The following CNR1 variants were observed in gnomAD, a reference collection of about 807,000 sequenced individuals.
CNR1 encodes the protein cannabinoid receptor 1 (brain).
Under a neutral mutation model 23.0 loss-of-function variants are expected in CNR1, and 10 were observed. The observed-to-expected ratio is 0.43, with a 90% CI of 0.27 to 0.74. The LOEUF is 0.74. Among genes scored for constraint, CNR1 ranks in the 30% least tolerant of loss-of-function variants. The probability of loss-of-function intolerance (pLI) is 0.19; values close to 1 mark genes in which losing one functional copy is unlikely to be tolerated. For synonymous variants in CNR1, 271 were observed against 255.2 expected, an observed-to-expected ratio of 1.06 and a Z score of -0.59; for missense variants, 422 against 618.8, an observed-to-expected ratio of 0.68 and a Z score of 3.37.
chr6:88,164,679 C>T (rs1332740804), intron 1 of CNR1, among the ~76,000 whole-genome samples: 1 of 152,140 alleles, frequency 6.6e-6, no homozygotes, highest in Non-Finnish European at 1.5e-5. Flanking sequence ...CACTTTAAAT[C>T]ACATAAAGTC....
intron 1 of CNR1, among the ~76,000 whole-genome samples, chr6:88,149,190 A>C (rs1054758671): frequency 5.3e-5 from 8 of 152,158 alleles, no homozygotes; most frequent in African/African-American, 1.9e-4. Context: ...TGCAGAAATA[A>C]AAGACCAAAG....
chr6:88,144,711 C>T lies in CNR1; in HGVS notation c.564G>A (p.Val188=). Residue 188 remains valine, a synonymous_variant, in exon 2 of 2, where the codon GTG becomes GTA. Transcript: ENST00000369501. The surrounding 1 kb of genome is among the most constrained non-coding windows in gnomAD (Gnocchi z 7.8). ...TGACCCCACCCAGTTTGAACAGAAA[C>T]ACGTTGCGGCTATCTTTGCGGTGGA... ...HVFHRKDSRN[V]FLFKLGGVTA... The T allele has an allele frequency of 1.2e-6, 2 of 1,614,206 alleles. No homozygotes were observed. The highest frequency in any genetic ancestry group is 1.7e-6 in the Non-Finnish European group (2 of 1,180,040).
At chr6:88,160,544 C>A (rs1214572785) in intron 1 of CNR1, among the ~76,000 whole-genome samples, 1 of 150,762 alleles carries the variant, frequency 6.6e-6, no homozygotes, top group African/African-American at 2.4e-5. Flanking sequence ...AAGCAATTCT[C>A]CCACTTCAAC....
At chr6:88,152,339 G>A (rs1301398887) in intron 1 of CNR1, among the ~76,000 whole-genome samples, 3 of 151,950 alleles carry the variant, frequency 2.0e-5, no homozygotes, top group Non-Finnish European at 4.4e-5. Flanking sequence ...CTACTTGCAT[G>A]GACCTAAAGA....
chr6:88,160,318 A>G (rs1246802072), intron 1 of CNR1, among the ~76,000 whole-genome samples: 4 of 152,182 alleles, frequency 2.6e-5, no homozygotes, highest in Admixed American at 6.5e-5. Flanking sequence ...ATAAATAAAT[A>G]AAAACATCAT....
At chr6:88,163,184 T>C (rs571858758) in intron 1 of CNR1, among the ~76,000 whole-genome samples, 2 of 152,220 alleles carry the variant, frequency 1.3e-5, no homozygotes, top group Non-Finnish European at 2.9e-5. Context: ...CTCCAAAATA[T>C]TTCCTGGAAT....
chr6:88,161,872 G>A (rs1415083515), intron 1 of CNR1, among the ~76,000 whole-genome samples: 1 of 152,148 alleles, frequency 6.6e-6, no homozygotes, highest in African/African-American at 2.4e-5. Flanking sequence ...GTTGTAATGT[G>A]TTATATATAA....
At chr6:88,167,013 C>T (rs1389494130), upstream of CNR1, among the ~76,000 whole-genome samples, 1 of 151,254 alleles carries the variant, frequency 6.6e-6, no homozygotes, top group South Asian at 2.1e-4. Flanking sequence ...GGGGCGCCGC[C>T]CAGCTTCGCG....
chr6:88,145,911 T>C (rs188671174), intron 1 of CNR1, among the ~76,000 whole-genome samples: 11 of 152,220 alleles, frequency 7.2e-5, no homozygotes, highest in African/African-American at 2.2e-4. Flanking sequence ...AGGAGGGAGC[T>C]AGTGAGAACT....
intron 1 of CNR1, chr6:88,147,673 G>A (rs186188268): frequency 6.6e-6 from 1 of 152,310 alleles, no homozygotes; most frequent in East Asian, 1.9e-4. Context: ...CCAGGGTTAG[G>A]GCGCCTGCTT....
chr6:88,159,307 C>G (rs73481160), intron 1 of CNR1, among the ~76,000 whole-genome samples: 1 of 152,256 alleles, frequency 6.6e-6, no homozygotes, highest in African/African-American at 2.4e-5. Flanking sequence ...AAAGAACGAA[C>G]TAAAATGAAA....
intron 1 of CNR1, among the ~76,000 whole-genome samples, chr6:88,158,730 C>G (rs1777931207): frequency 6.6e-6 from 1 of 152,118 alleles, no homozygotes; most frequent in Non-Finnish European, 1.5e-5. Flanking sequence ...GTAGATTTAA[C>G]CTTTAAGAAG....
At chr6:88,156,263 CTTGAT>C (rs966082744) in intron 1 of CNR1, among the ~76,000 whole-genome samples, 2 of 152,150 alleles carry the variant, frequency 1.3e-5, no homozygotes, top group Non-Finnish European at 2.9e-5. Context: ...CCTTCAAATG[CTTGAT>C]TTAACACATT....
rs955257637 is a variant in CNR1 at position 88,166,015 on chromosome 6, A to C, written c.-276T>G. The C allele has an allele frequency of 2.0e-5, 3 of 152,722 alleles. No homozygotes were observed. Among genetic ancestry groups the C allele is most frequent in the Admixed American group, 2.0e-4 (3 of 15,298 alleles). The allele number at this position is 152,722 out of a possible 1,614,324, so 9.5% of individuals were successfully genotyped here. ...AAGAAGTGGAGAAGGAAGGGGTGGC[A>C]GAGGGAGTAGCGTGCGGGAGGCGGC... is the stretch of plus-strand genomic sequence containing the variant. On this transcript the variant is annotated 5_prime_UTR_variant, in exon 1 of 2. Coordinates refer to ENST00000369501, the MANE Select transcript of CNR1 (RefSeq NM_016083.6).
At chr6:88,152,859 T>C (rs980748277) in intron 1 of CNR1, among the ~76,000 whole-genome samples, 2 of 152,230 alleles carry the variant, frequency 1.3e-5, no homozygotes, top group Non-Finnish European at 2.9e-5. Context: ...CTTTGGGGGA[T>C]GTAGCTGCCA....
At chr6:88,149,045 C>A (rs954063736) in intron 1 of CNR1, among the ~76,000 whole-genome samples, 3 of 152,200 alleles carry the variant, frequency 2.0e-5, no homozygotes, top group African/African-American at 7.2e-5. Context: ...GGAGCCATCA[C>A]CTACTGGACC....
intron 1 of CNR1, among the ~76,000 whole-genome samples, chr6:88,148,050 C>T (rs902999988): frequency 6.6e-6 from 1 of 152,198 alleles, no homozygotes; most frequent in East Asian, 1.9e-4. Context: ...CCGCCCACCT[C>T]TCCAATCTTC....
chr6:88,150,498 A>G (rs928555347), intron 1 of CNR1, among the ~76,000 whole-genome samples: 2 of 152,198 alleles, frequency 1.3e-5, no homozygotes, highest in African/African-American at 4.8e-5. Flanking sequence ...TTTTCTTCTT[A>G]GAAGTACACA....
rs1217733694 is a variant in CNR1 at position 88,142,695 on chromosome 6, A to C, written c.*1161T>G. ...GTGCAAGAGTGCAGCAAGTGGTAAA[A>C]GTTTATACTTGGTCACAGTTTTCTC... On this transcript the variant is annotated 3_prime_UTR_variant, in exon 2 of 2. Transcript: ENST00000369501. The C allele has an allele frequency of 3.9e-5, 6 of 152,650 alleles. No homozygotes were observed. Among genetic ancestry groups the C allele is most frequent in the African/African-American group, 1.4e-4 (6 of 41,450 alleles). The allele number at this position is 152,650 out of a possible 1,614,324, so 9.5% of individuals were successfully genotyped here. A position where few individuals can be genotyped will look rare whatever the true frequency, so the allele number is the denominator to read the frequency against.
Sources: allele counts gnomAD v4.1 joint callset (sites outside exome capture counted in the v4.1 genomes callset), GRCh38; gene constraint gnomAD v4.1.1; non-coding constraint Gnocchi (gnomAD v3.1); transcripts MANE v1.5; gene names NCBI Gene and HGNC (gene_info 2026-07-23, HGNC 2026-07-21).